Variants in AIG1 observed in about 807,000 individuals in gnomAD.
AIG1 encodes androgen induced 1, also known as androgen-induced gene 1 protein.
AIG1 carries 23 observed loss-of-function variants against 31.4 expected under a neutral mutation model. That is an observed-to-expected ratio of 0.73 (90% CI 0.53 to 1.04). AIG1 has a LOEUF of 1.04. AIG1 is among the 50% of genes least tolerant of loss of function. The pLI is 0.00. For synonymous variants in AIG1, 100 were observed against 110.5 expected (o/e 0.90, Z 0.60); for missense variants, 274 against 295.0 (o/e 0.93, Z 0.52).
intron 1 of AIG1, among the ~76,000 whole-genome samples, chr6:143,129,375 G>A (rs1583269588): frequency 1.3e-5 from 2 of 152,150 alleles, no homozygotes; most frequent in African/African-American, 4.8e-5. Context: ...ACACTCTTTG[G>A]GGAAGTCTTC....
intron 4 of AIG1, among the ~76,000 whole-genome samples, chr6:143,332,107 G>C (rs1777132261): frequency 6.6e-6 from 1 of 151,940 alleles, no homozygotes; most frequent in Non-Finnish European, 1.5e-5. Context: ...CCTGACCTCA[G>C]GTGACCCACC....
At chr6:143,179,356 A>G (rs2128583183) in intron 3 of AIG1, among the ~76,000 whole-genome samples, 1 of 152,370 alleles carries the variant, frequency 6.6e-6, no homozygotes, top group East Asian at 1.9e-4. Flanking sequence ...TTGTGTGCAG[A>G]ATCACATTCA....
At chr6:143,134,918 T>C (rs1434746537) in intron 1 of AIG1, among the ~76,000 whole-genome samples, 1 of 152,142 alleles carries the variant, frequency 6.6e-6, no homozygotes, top group African/African-American at 2.4e-5. Context: ...AGCTAAGCTA[T>C]GCTATTCTAT....
chr6:143,136,431 GTT>G lies in AIG1; in HGVS notation c.142-403_142-402del, dbSNP rs1783758547. 2.0e-5 allele frequency among the ~76,000 whole-genome samples: 3 copies of G among 152,120 alleles called. No individual in the cohort carries two copies. In the South Asian group the frequency reaches 6.2e-4, roughly 31 times the overall value. On this transcript the variant is annotated intron_variant, in intron 1 of 5. Transcript: ENST00000357847. ...TTTTGTTTTCACTTCTTAGATATTTGTTAAAACTCACTAGTTATATTGACTAG... is the reference window on the plus strand; with the variant it reads ...TTTTGTTTTCACTTCTTAGATATTTGAAAACTCACTAGTTATATTGACTAG...
intron 3 of AIG1, among the ~76,000 whole-genome samples, chr6:143,218,135 T>G (rs1792178503): frequency 6.6e-6 from 1 of 152,266 alleles, no homozygotes; most frequent in Non-Finnish European, 1.5e-5. Flanking sequence ...AGAATGAAGA[T>G]ATTAACTTAT....
chr6:143,229,784 CAAAAAAAAA>C (rs751464049), intron 3 of AIG1, among the ~76,000 whole-genome samples: 5 of 80,712 alleles, frequency 6.2e-5, no homozygotes, highest in Admixed American at 1.4e-4. Context: ...ACTCTCAGAA[CAAAAAAAAA>C]AAAAAAAAAA....
intron 3 of AIG1, among the ~76,000 whole-genome samples, chr6:143,249,044 G>A (rs1794809691): frequency 6.6e-6 from 1 of 152,202 alleles, no homozygotes; most frequent in South Asian, 2.1e-4. Flanking sequence ...TAAAAGTAAA[G>A]TATATAATTA....
At chr6:143,312,973 A>G (rs898948441) in intron 4 of AIG1, among the ~76,000 whole-genome samples, 2 of 152,174 alleles carry the variant, frequency 1.3e-5, no homozygotes, top group Non-Finnish European at 2.9e-5. Flanking sequence ...ATCACTGATC[A>G]TTAGAGAAGT....
intron 3 of AIG1, among the ~76,000 whole-genome samples, chr6:143,178,474 G>T (rs2128582098): frequency 6.6e-6 from 1 of 152,312 alleles, no homozygotes; most frequent in Non-Finnish European, 1.5e-5. Flanking sequence ...GTCAGGGCTG[G>T]GGGCTCTCCT....
intron 2 of AIG1, among the ~76,000 whole-genome samples, chr6:143,148,633 C>T (rs1018183717): frequency 2.0e-5 from 3 of 152,100 alleles, no homozygotes; most frequent in African/African-American, 7.2e-5. Flanking sequence ...CAAGACCAGC[C>T]TGGGGAACAA....
chr6:143,335,358 C>A (rs1320875740), intron 5 of AIG1: 3 of 246,580 alleles, frequency 1.2e-5, no homozygotes, highest in Non-Finnish European at 2.3e-5. Context: ...ATGGTGAAAT[C>A]CCATCTCTAC....
intron 3 of AIG1, chr6:143,189,667 A>G (rs1789607673): frequency 7.1e-6 from 7 of 985,196 alleles, no homozygotes; most frequent in Non-Finnish European, 8.4e-6. Context: ...AAATTGCAGT[A>G]TCATCCTTTT....
At chr6:143,145,519 A>C (rs568660832) in intron 2 of AIG1, among the ~76,000 whole-genome samples, 5 of 150,274 alleles carry the variant, frequency 3.3e-5, no homozygotes, top group African/African-American at 9.7e-5. Flanking sequence ...ATGTCTCTTC[A>C]TCAGGTGAAG....
intron 3 of AIG1, among the ~76,000 whole-genome samples, chr6:143,260,838 C>T (rs1795722081): frequency 6.6e-6 from 1 of 152,206 alleles, no homozygotes; most frequent in African/African-American, 2.4e-5. Context: ...GGCTTCCCAT[C>T]CCACAACTGC....
intron 3 of AIG1, among the ~76,000 whole-genome samples, chr6:143,179,222 AC>A (rs1443582180): frequency 6.6e-6 from 1 of 152,136 alleles, no homozygotes; most frequent in Non-Finnish European, 1.5e-5. Context: ...AGTGCTTGTA[AC>A]CTGCTGGTGG....
At chr6:143,224,591 T>C (rs891295186) in intron 3 of AIG1, among the ~76,000 whole-genome samples, 2 of 152,186 alleles carry the variant, frequency 1.3e-5, no homozygotes, top group African/African-American at 4.8e-5. Context: ...TTAATAATTA[T>C]TCCATGACCC....
At chr6:143,104,765 A>G (rs922291320) in intron 1 of AIG1, among the ~76,000 whole-genome samples, 5 of 152,090 alleles carry the variant, frequency 3.3e-5, no homozygotes, top group Non-Finnish European at 5.9e-5. Flanking sequence ...TTAGCTGAGC[A>G]TGGTGATGTG....
rs558997359 is a variant in AIG1, at chr6:143,303,849, T to C, written c.515+19624T>C. On this transcript the variant is annotated intron_variant, in intron 4 of 5. Coordinates refer to ENST00000357847, the MANE Select transcript of AIG1 (RefSeq NM_016108.4). ...CCATTTTCACGATATTGATTCTTCC[T>C]ACCCATGAGCATGGAATGTTCTTCC... Among the ~76,000 whole-genome samples the C allele has an allele frequency of 3.2e-3, 475 of 147,654 alleles. 2 individuals are homozygous for C. Among genetic ancestry groups the C allele is most frequent in the African/African-American group, 0.012 (458 of 39,734 alleles).
intron 2 of AIG1, among the ~76,000 whole-genome samples, chr6:143,161,185 C>T (rs1009955506): frequency 6.6e-6 from 1 of 152,048 alleles, no homozygotes; most frequent in East Asian, 1.9e-4. Context: ...CCAAAATCAA[C>T]TCAAGCAAAG....
Sources: allele counts gnomAD v4.1 joint callset (sites outside exome capture counted in the v4.1 genomes callset), GRCh38; gene constraint gnomAD v4.1.1; transcripts MANE v1.5; gene names NCBI Gene and HGNC (gene_info 2026-07-23, HGNC 2026-07-21).